Variants in SLC7A8 observed in about 807,000 individuals in gnomAD.
The protein encoded by SLC7A8 is solute carrier family 7 member 8, also known as large neutral amino acids transporter small subunit 2.
Under a neutral mutation model 51.2 loss-of-function variants are expected in SLC7A8, and 30 were observed. That is an observed-to-expected ratio of 0.59 (90% CI 0.44 to 0.80). The LOEUF (loss-of-function observed/expected upper bound fraction) is 0.80. SLC7A8 is among the 30% of genes least tolerant of loss of function. The pLI, the probability that SLC7A8 is intolerant of heterozygous loss-of-function variation, is 0.00. For synonymous variants in SLC7A8, 257 were observed against 275.8 expected (o/e 0.93, Z 0.67); for missense variants, 612 against 674.4 (o/e 0.91, Z 1.03).
At chr14:23,130,798 G>A (rs1241953517) in intron 8 of SLC7A8, among the ~76,000 whole-genome samples, 1 of 152,154 alleles carries the variant, frequency 6.6e-6, no homozygotes, top group Admixed American at 6.5e-5. Context: ...GTCATTTTTA[G>A]TGTTTTATTC....
chr14:23,127,536 C>T (rs552947354), intron 10 of SLC7A8, among the ~76,000 whole-genome samples, 193 bp from the exon 11 acceptor site: 1 of 152,346 alleles, frequency 6.6e-6, no homozygotes, highest in Admixed American at 6.5e-5. Flanking sequence ...TATGAAGGCC[C>T]CAGCCTTCCC....
chr14:23,150,836 A>G (rs1001170614), intron 3 of SLC7A8, among the ~76,000 whole-genome samples: 9 of 152,088 alleles, frequency 5.9e-5, no homozygotes, highest in African/African-American at 9.7e-5. Context: ...ACCCTTCTCA[A>G]TTTCTAATCT....
At chr14:23,132,439 A>C (rs1220051724) in intron 7 of SLC7A8, among the ~76,000 whole-genome samples, 4 of 152,262 alleles carry the variant, frequency 2.6e-5, no homozygotes, top group South Asian at 2.1e-4. Context: ...AATGGAAGCC[A>C]GGCACAGTGG....
At chr14:23,143,551 G>T (rs1050331298) in intron 3 of SLC7A8, among the ~76,000 whole-genome samples, 1 of 152,228 alleles carries the variant, frequency 6.6e-6, no homozygotes, top group African/African-American at 2.4e-5. Flanking sequence ...AAGAGAAGCT[G>T]TGAGCAGCTG....
intron 3 of SLC7A8, among the ~76,000 whole-genome samples, chr14:23,160,944 TTCTC>T (rs148796933): frequency 2.3e-4 from 34 of 150,552 alleles, no homozygotes; most frequent in African/African-American, 6.6e-4. Context: ...GTAAAATACT[TTCTC>T]TCTCTCTCTC....
intron 1 of SLC7A8, among the ~76,000 whole-genome samples, chr14:23,182,134 C>T (rs1027016411): frequency 6.6e-6 from 1 of 152,222 alleles, no homozygotes; most frequent in African/African-American, 2.4e-5. Context: ...GGAGAAACTG[C>T]AAACTCTCCA....
intron 5 of SLC7A8, 111 bp downstream of exon 5, chr14:23,140,360 A>G: frequency 8.6e-7 from 1 of 1,163,934 alleles, no homozygotes. Context: ...AATCACAGTT[A>G]GAATGGGGCT....
Position 23,127,219 on chromosome 14 carries a change from A to G in SLC7A8, c.1566T>C (p.Thr522=). ...CCGCCACGTCCTTGTCCTTCGTGGG[A>G]GTGGGTTGGTACATGGGCTGCTGCT... ...EEQQQPMYQP[T]PTKDKDVAGQ... Residue 522 remains threonine, a synonymous_variant, in exon 11 of 11, where the codon ACT becomes ACC. Transcript: ENST00000316902. The G allele has an allele frequency of 6.2e-7, 1 of 1,614,026 alleles. No individual in the cohort carries two copies. The highest frequency in any genetic ancestry group is 8.5e-7 in the Non-Finnish European group (1 of 1,179,960).
At chr14:23,147,182 C>G (rs1236102265) in intron 3 of SLC7A8, among the ~76,000 whole-genome samples, 4 of 151,846 alleles carry the variant, frequency 2.6e-5, no homozygotes, top group South Asian at 2.1e-4. Context: ...CATCTATCAT[C>G]CATCCATCCA....
At chr14:23,180,110 G>A (rs984407263) in intron 1 of SLC7A8, among the ~76,000 whole-genome samples, 1 of 152,080 alleles carries the variant, frequency 6.6e-6, no homozygotes, top group African/African-American at 2.4e-5. Flanking sequence ...GTTTCACCGT[G>A]TTAGCCAGGA....
rs1171875352 is a variant in SLC7A8, at chr14:23,140,634, C to G, written c.635-10G>C. ...AGCCAGAAGTACTCTCCTGTGGACACAAGCAACAGGAGGCCGCTCAGTGAG... is the reference window on the plus strand; with the variant it reads ...AGCCAGAAGTACTCTCCTGTGGACAGAAGCAACAGGAGGCCGCTCAGTGAG... On this transcript the variant is annotated splice_polypyrimidine_tract_variant and intron_variant, in intron 4 of 10. Coordinates refer to ENST00000316902, the MANE Select transcript of SLC7A8 (RefSeq NM_012244.4). 3 of 1,607,270 alleles carry G rather than the reference C, an allele frequency of 1.9e-6. No homozygotes were observed. In the Admixed American group the frequency reaches 5.0e-5, roughly 27 times the overall value.
In SLC7A8 at chr14:23,127,232, A is replaced by C. The variant is rs1169044752; in HGVS notation, c.1553T>G (p.Met518Arg). Reference sequence around the variant, plus strand: ...GTCCTTCGTGGGAGTGGGTTGGTACATGGGCTGCTGCTGCTCCTCCATGTC... The same window carrying C: ...GTCCTTCGTGGGAGTGGGTTGGTACCTGGGCTGCTGCTGCTCCTCCATGTC... ...NEDMEEQQQP[M>R]YQPTPTKDKD... Residue 518 changes from methionine (M) to arginine (R), a missense_variant, in exon 11 of 11, where the codon ATG becomes AGG. Transcript: ENST00000316902. The C allele has an allele frequency of 6.2e-7, 1 of 1,613,952 alleles. No homozygotes were observed. Among genetic ancestry groups the C allele is most frequent in the Non-Finnish European group, 8.5e-7 (1 of 1,179,976 alleles).
Position 23,166,501 on chromosome 14 carries a change from C to T in SLC7A8, c.191G>A (p.Gly64Glu), listed in dbSNP as rs1200264826. 6.2e-7 allele frequency: 1 copy of T among 1,614,136 alleles called. No homozygotes were observed. Among genetic ancestry groups the T allele is most frequent in the South Asian group, 1.1e-5 (1 of 91,088 alleles). The change falls in exon 2 of 11, where the codon GGA becomes GAA. Residue 64 changes from glycine to glutamate, a missense_variant. Physicochemically the swap from Gly to Glu is moderately conservative, Grantham distance 98. Transcript: ENST00000316902. ...IGSGIFVSPK[G>E]VLENAGSVGL... ...CACAGAACCAGCATTCTCCAGCACTCCCTTTGGCGAGACAAAGATTCCAGA... is the reference window on the plus strand; with the variant it reads ...CACAGAACCAGCATTCTCCAGCACTTCCTTTGGCGAGACAAAGATTCCAGA...
At chr14:23,132,410 C>T (rs1170642164) in intron 7 of SLC7A8, among the ~76,000 whole-genome samples, 9 of 151,952 alleles carry the variant, frequency 5.9e-5, no homozygotes, top group African/African-American at 1.9e-4. Context: ...TGAATTTTGA[C>T]AACTGTCAAA....
intron 3 of SLC7A8, among the ~76,000 whole-genome samples, chr14:23,159,673 AAG>A (rs201204165): frequency 0.013 from 1,937 of 152,318 alleles, 36 homozygotes; most frequent in African/African-American, 0.043. Context: ...TTAAATTTGC[AAG>A]AGACTTGCAA....
chr14:23,155,014 A>G (rs962273382), intron 3 of SLC7A8, among the ~76,000 whole-genome samples: 7 of 151,562 alleles, frequency 4.6e-5, no homozygotes, highest in African/African-American at 1.7e-4. Flanking sequence ...AAAAAAAAAA[A>G]AAAAATCAAA....
At chr14:23,136,469 C>T (rs1023045795) in intron 7 of SLC7A8, among the ~76,000 whole-genome samples, 11 of 152,102 alleles carry the variant, frequency 7.2e-5, no homozygotes, top group Admixed American at 3.9e-4. Flanking sequence ...ACGGAGGAGA[C>T]GATGACATTA....
intron 3 of SLC7A8, among the ~76,000 whole-genome samples, chr14:23,153,272 C>T (rs1486361509): frequency 2.0e-5 from 3 of 152,188 alleles, no homozygotes; most frequent in East Asian, 1.9e-4. Flanking sequence ...GCCACCATGG[C>T]GGCCCCAGAA....
intron 3 of SLC7A8, among the ~76,000 whole-genome samples, chr14:23,150,960 G>A (rs1038283881): frequency 2.0e-5 from 3 of 152,210 alleles, no homozygotes; most frequent in African/African-American, 7.2e-5. Flanking sequence ...TGGGGCTGGG[G>A]AGCACAGGCT....
Sources: gnomAD v4.1 joint callset for allele counts (sites outside exome capture counted in the v4.1 genomes callset) on GRCh38, gnomAD v4.1.1 for gene constraint, MANE v1.5 for transcripts, NCBI Gene and HGNC (gene_info 2026-07-23, HGNC 2026-07-21) for gene names.